CDK8: variants seen among roughly 807,000 people sequenced by gnomAD.
CDK8 encodes cyclin dependent kinase 8.
CDK8 carries 29 observed loss-of-function variants against 71.5 expected under a neutral mutation model. That is an observed-to-expected ratio of 0.41 (90% CI 0.30 to 0.55). The LOEUF is 0.55. CDK8 is among the 20% of genes least tolerant of loss of function. The pLI is 0.37. For synonymous variants in CDK8, 161 were observed against 192.1 expected (o/e 0.84, Z 1.34); for missense variants, 288 against 572.6 (o/e 0.50, Z 5.07).
At chr13:26,365,188 G>T (rs114681929) in intron 4 of CDK8, among the ~76,000 whole-genome samples, 2,756 of 152,188 alleles carry the variant, frequency 0.018, 85 homozygotes, top group African/African-American at 0.063. Context: ...TAAAACATGG[G>T]TTTGGTAACA....
intron 4 of CDK8, among the ~76,000 whole-genome samples, chr13:26,376,875 T>C (rs1337616883): frequency 2.6e-5 from 4 of 152,252 alleles, no homozygotes; most frequent in African/African-American, 9.6e-5. Context: ...TAAATATGTT[T>C]GATGATAGAC....
chr13:26,366,777 A>G (rs1476320633), intron 4 of CDK8, among the ~76,000 whole-genome samples: 1 of 152,204 alleles, frequency 6.6e-6, no homozygotes, highest in Non-Finnish European at 1.5e-5. Flanking sequence ...TTTAATAAAA[A>G]CATAGAAGTT....
At chr13:26,307,862 GCTAA>G (rs545586842) in intron 1 of CDK8, among the ~76,000 whole-genome samples, 17 of 152,264 alleles carry the variant, frequency 1.1e-4, no homozygotes, top group African/African-American at 2.6e-4. Context: ...GTTAGCACTT[GCTAA>G]CTAACAGCAT....
At chr13:26,335,957 C>T (rs1233648857) in intron 1 of CDK8, among the ~76,000 whole-genome samples, 1 of 141,122 alleles carries the variant, frequency 7.1e-6, no homozygotes, top group African/African-American at 2.6e-5. Context: ...CAACAACAGA[C>T]CTTTAAAGGT....
chr13:26,268,699 C>T (rs961770210), intron 1 of CDK8, among the ~76,000 whole-genome samples: 11 of 152,046 alleles, frequency 7.2e-5, no homozygotes, highest in African/African-American at 2.7e-4. Flanking sequence ...TTTAAAATTA[C>T]AGTTATTTCA....
At chr13:26,342,146 C>T (rs1014521342) in intron 2 of CDK8, among the ~76,000 whole-genome samples, 1 of 152,210 alleles carries the variant, frequency 6.6e-6, no homozygotes, top group African/African-American at 2.4e-5. Context: ...GTCTCTTGAC[C>T]TCGTGATCCG....
At chr13:26,298,583 A>G (rs1392606807) in intron 1 of CDK8, among the ~76,000 whole-genome samples, 1 of 152,146 alleles carries the variant, frequency 6.6e-6, no homozygotes, top group Admixed American at 6.6e-5. Context: ...TTTGAGCTGT[A>G]GATTTCCAAC....
chr13:26,270,851 A>G (rs1224994176), intron 1 of CDK8, among the ~76,000 whole-genome samples: 1 of 152,178 alleles, frequency 6.6e-6, no homozygotes, highest in Non-Finnish European at 1.5e-5. Context: ...TATAACCAAG[A>G]GTGGAATTAC....
chr13:26,291,118 C>A (rs79783851), intron 1 of CDK8, among the ~76,000 whole-genome samples: 212 of 139,390 alleles, frequency 1.5e-3, no homozygotes, highest in Middle Eastern at 3.6e-3. Context: ...GCCTCCATCT[C>A]AAAAAAAAAA....
At chr13:26,371,649 CCT>C (rs1458524071) in intron 4 of CDK8, among the ~76,000 whole-genome samples, 3 of 152,088 alleles carry the variant, frequency 2.0e-5, no homozygotes, top group Non-Finnish European at 4.4e-5. Flanking sequence ...GGAGTCTCCC[CCT>C]GTCGCCCATG....
chr13:26,256,677 AT>A (rs1871538984), intron 1 of CDK8, among the ~76,000 whole-genome samples: 1 of 152,224 alleles, frequency 6.6e-6, no homozygotes, highest in Non-Finnish European at 1.5e-5. Flanking sequence ...TGAAAGAATA[AT>A]TTCAATATCT....
At chr13:26,358,063 A>G (rs1386187065) in intron 4 of CDK8, among the ~76,000 whole-genome samples, 2 of 152,122 alleles carry the variant, frequency 1.3e-5, no homozygotes, top group Non-Finnish European at 2.9e-5. Context: ...GCACTTTGGG[A>G]GGCGGGCAGA....
At chr13:26,262,403 TG>T (rs1385196814) in intron 1 of CDK8, among the ~76,000 whole-genome samples, 6 of 152,356 alleles carry the variant, frequency 3.9e-5, no homozygotes, top group African/African-American at 1.2e-4. Context: ...TGTGTGTGTG[TG>T]TATCTGAAAT....
At chr13:26,300,812 C>T (rs1873790800) in intron 1 of CDK8, among the ~76,000 whole-genome samples, 1 of 152,060 alleles carries the variant, frequency 6.6e-6, no homozygotes, top group Admixed American at 6.6e-5. Flanking sequence ...TTATCCCGCT[C>T]TAAAAAGACA....
At chr13:26,379,251 A>AAG (rs1875100840) in intron 4 of CDK8, among the ~76,000 whole-genome samples, 1 of 152,170 alleles carries the variant, frequency 6.6e-6, no homozygotes, top group African/African-American at 2.4e-5. Context: ...GAATTCACTA[A>AAG]AGAGAGAGTG....
intron 1 of CDK8, among the ~76,000 whole-genome samples, chr13:26,314,235 A>G (rs1157432456): frequency 2.0e-5 from 3 of 152,166 alleles, no homozygotes; most frequent in Non-Finnish European, 1.5e-5. Context: ...TATTTTGGTG[A>G]TAAGTCTTAC....
chr13:26,387,725 G>A (rs1056449050), intron 6 of CDK8, among the ~76,000 whole-genome samples: 2 of 152,176 alleles, frequency 1.3e-5, no homozygotes, highest in African/African-American at 4.8e-5. Flanking sequence ...GAACTGTCTT[G>A]TCTGCCTTCC....
Position 26,401,176 on chromosome 13 carries a change from C to A in CDK8, c.1032-93C>A. Reference sequence around the variant, plus strand: ...TATTTGCAAATATGGAGACAAAGTTCATCTTAAAAGATTAAAATGAGAATC... The same window carrying A: ...TATTTGCAAATATGGAGACAAAGTTAATCTTAAAAGATTAAAATGAGAATC... On this transcript the variant is annotated intron_variant, in intron 10 of 12. Transcript: ENST00000381527. This position sits in a 1 kb window ranked among gnomAD's most constrained non-coding sequence, Gnocchi z 4.5. 1.0e-6 allele frequency: 1 copy of A among 984,606 alleles called. No individual in the cohort carries two copies. The highest frequency in any genetic ancestry group is 1.5e-6 in the Non-Finnish European group (1 of 649,890). 61.0% of individuals were successfully genotyped at this position (984,606 alleles called of 1,614,324 possible).
At chr13:26,270,546 T>C (rs1457130732) in intron 1 of CDK8, among the ~76,000 whole-genome samples, 7 of 152,200 alleles carry the variant, frequency 4.6e-5, no homozygotes, top group Non-Finnish European at 1.5e-5. Flanking sequence ...CCTTGTTTCC[T>C]CTAATCCTCA....
Sources: allele counts gnomAD v4.1 joint callset (sites outside exome capture counted in the v4.1 genomes callset), GRCh38; gene constraint gnomAD v4.1.1; non-coding constraint Gnocchi (gnomAD v3.1); transcripts MANE v1.5; gene names NCBI Gene and HGNC (gene_info 2026-07-23, HGNC 2026-07-21).